ASAH2: variants seen among roughly 807,000 people sequenced by gnomAD.
ASAH2 encodes neutral ceramidase.
ASAH2 carries 58 observed loss-of-function variants against 82.9 expected under a neutral mutation model. The observed-to-expected ratio is 0.70, with a 90% CI of 0.57 to 0.87. ASAH2 has a LOEUF of 0.87. Among genes scored for constraint, ASAH2 ranks in the 40% least tolerant of loss-of-function variants. The probability of loss-of-function intolerance (pLI) is 0.00; values close to 1 mark genes in which losing one functional copy is unlikely to be tolerated. For missense variants in ASAH2, 779 were observed against 834.0 expected (o/e 0.93, Z 0.81); for synonymous variants, 276 against 289.7 (o/e 0.95, Z 0.48).
At chr10:50,206,240 G>T (rs1384679919) in intron 12 of ASAH2, 143 bp from the exon 13 acceptor site, 2 of 710,312 alleles carry the variant, frequency 2.8e-6, no homozygotes, top group African/African-American at 3.6e-5. Context: ...CAAACAGTTT[G>T]AGTAATAGAA....
Position 50,245,421 on chromosome 10 carries a change from C to G in ASAH2, c.161G>C (p.Ser54Thr). The change falls in exon 3 of 21, where the codon AGC becomes ACC. Residue 54 changes from serine (S) to threonine (T), a missense_variant. Physicochemically the swap from Ser to Thr is moderately conservative, Grantham distance 58. Transcript: ENST00000682911. ...LGGHFFSTTQ[S>T]PPATQGSTAA... Reference sequence around the variant, plus strand: ...TGTGGAGCCCTGGGTGGCTGGAGGGCTTTGGGTGGTTGAAAAAAAATGGCC... The same window carrying G: ...TGTGGAGCCCTGGGTGGCTGGAGGGGTTTGGGTGGTTGAAAAAAAATGGCC... 1.2e-6 allele frequency: 2 copies of G among 1,613,626 alleles called. No individual in the cohort carries two copies. Among genetic ancestry groups the G allele is most frequent in the South Asian group, 2.2e-5 (2 of 91,042 alleles).
At position 50,248,566 on chromosome 10, in the gene ASAH2, G is replaced by A; in HGVS notation, c.45C>T (p.Phe15=). ...TFSNLETFLI[F]LLVMMSAITV... ...TGATGGCACTCATCATTACAAGGAG[G>A]AAAATCAGGAATGTCTCCAAGTTAG... Residue 15 remains phenylalanine (F), a synonymous_variant, in exon 2 of 21, where the codon TTC becomes TTT. Transcript: ENST00000682911. The A allele has an allele frequency of 6.2e-7, 1 of 1,613,660 alleles. No homozygotes were observed.
intron 7 of ASAH2, among the ~76,000 whole-genome samples, chr10:50,232,235 A>G (rs1457891648): frequency 3.3e-5 from 5 of 152,178 alleles, no homozygotes; most frequent in African/African-American, 1.2e-4. Context: ...TAGATATTTT[A>G]TAATTCTACT....
chr10:50,227,401 A>G (rs2133219990), intron 7 of ASAH2, among the ~76,000 whole-genome samples: 1 of 152,314 alleles, frequency 6.6e-6, no homozygotes, highest in African/African-American at 2.4e-5. Context: ...CTTCTAGTGC[A>G]CAGTGAGTGA....
intron 17 of ASAH2, among the ~76,000 whole-genome samples, chr10:50,197,528 A>T (rs1845017990): frequency 6.6e-6 from 1 of 151,988 alleles, no homozygotes; most frequent in Non-Finnish European, 1.5e-5. Context: ...TACAAAAGTA[A>T]TTGGCATTTT....
chr10:50,222,323 G>A (rs1845771836), intron 7 of ASAH2, among the ~76,000 whole-genome samples: 1 of 152,214 alleles, frequency 6.6e-6, no homozygotes, highest in Non-Finnish European at 1.5e-5. Context: ...CTGTTGCCCA[G>A]GCTGGAGTGC....
intron 18 of ASAH2, among the ~76,000 whole-genome samples, chr10:50,195,848 C>T (rs1330490800): frequency 1.3e-5 from 2 of 151,632 alleles, no homozygotes; most frequent in African/African-American, 4.8e-5. Context: ...AAGAGTTAAA[C>T]TCATAGAAGT....
chr10:50,186,050 C>T lies in ASAH2; in HGVS notation c.*1265G>A, dbSNP rs1310339408. ...ATATCTTATTCTTTGGGGTATGAAG[C>T]AAGGTATTTTACAATGCCCAAAAAT... is the stretch of plus-strand genomic sequence containing the variant. On this transcript the variant is annotated 3_prime_UTR_variant, in exon 21 of 21. Coordinates refer to ENST00000682911, the MANE Select transcript of ASAH2 (RefSeq NM_019893.4). 21 of 149,020 alleles carry T rather than the reference C, an allele frequency of 1.4e-4. No individual in the cohort carries two copies. Among genetic ancestry groups the T allele is most frequent in the Admixed American group, 9.3e-4 (14 of 15,004 alleles). 9.2% of individuals were successfully genotyped at this position (149,020 alleles called of 1,614,324 possible).
intron 7 of ASAH2, among the ~76,000 whole-genome samples, chr10:50,230,044 T>C (rs1387918622): frequency 6.6e-6 from 1 of 152,154 alleles, no homozygotes; most frequent in Non-Finnish European, 1.5e-5. Context: ...GATAGCCACA[T>C]TTGAAAATAC....
intron 8 of ASAH2, among the ~76,000 whole-genome samples, chr10:50,216,147 G>C (rs1845593559): frequency 1.3e-5 from 2 of 150,600 alleles, no homozygotes; most frequent in Admixed American, 6.6e-5. Context: ...TCACACACTG[G>C]GGCCTGTCAG....
chr10:50,196,102 A>G (rs2813329), intron 18 of ASAH2, among the ~76,000 whole-genome samples: 4 of 151,948 alleles, frequency 2.6e-5, no homozygotes, highest in African/African-American at 9.6e-5. Context: ...AATTAGCTCA[A>G]TTGAGCCATT....
chr10:50,197,920 T>A (rs1845027689), intron 17 of ASAH2, among the ~76,000 whole-genome samples: 1 of 151,862 alleles, frequency 6.6e-6, no homozygotes, highest in African/African-American at 2.4e-5. Flanking sequence ...AGATTTGGAT[T>A]TTATAATAGA....
intron 10 of ASAH2, among the ~76,000 whole-genome samples, chr10:50,211,526 G>C (rs944107235): frequency 1.3e-5 from 2 of 152,124 alleles, no homozygotes; most frequent in African/African-American, 4.8e-5. Context: ...CTTCCTTTCA[G>C]AATACTTGAG....
chr10:50,207,594 A>T (rs1845335634), intron 12 of ASAH2, among the ~76,000 whole-genome samples: 1 of 150,994 alleles, frequency 6.6e-6, no homozygotes, highest in Non-Finnish European at 1.5e-5. Flanking sequence ...TTCTAGAAAG[A>T]CAAACTACCA....
intron 7 of ASAH2, among the ~76,000 whole-genome samples, chr10:50,225,500 T>C (rs1490195756): frequency 6.6e-6 from 1 of 152,212 alleles, no homozygotes; most frequent in Non-Finnish European, 1.5e-5. Flanking sequence ...AATAGACTAT[T>C]GTTTTTTTAT....
intron 12 of ASAH2, among the ~76,000 whole-genome samples, chr10:50,208,402 A>C (rs1375759267): frequency 2.0e-5 from 3 of 152,062 alleles, no homozygotes; most frequent in African/African-American, 7.2e-5. Flanking sequence ...TCTTGTATAG[A>C]GAAAAATCCT....
At chr10:50,193,965 G>A (rs1176560272) in intron 18 of ASAH2, among the ~76,000 whole-genome samples, 5 of 150,842 alleles carry the variant, frequency 3.3e-5, no homozygotes, top group African/African-American at 7.3e-5. Context: ...CAAAATTGAT[G>A]CAAGGAAAAA....
chr10:50,193,524 C>T (rs1288534746), intron 18 of ASAH2, among the ~76,000 whole-genome samples: 2 of 151,272 alleles, frequency 1.3e-5, no homozygotes, highest in East Asian at 3.9e-4. Context: ...AACAGAATTA[C>T]AGAGAACAGT....
chr10:50,226,609 G>A (rs1311302927), intron 7 of ASAH2, among the ~76,000 whole-genome samples: 1 of 152,102 alleles, frequency 6.6e-6, no homozygotes, highest in Non-Finnish European at 1.5e-5. Flanking sequence ...TGGGGATATT[G>A]ATAGTGAGGG....
Sources: gnomAD v4.1 joint callset for allele counts (sites outside exome capture counted in the v4.1 genomes callset) on GRCh38, gnomAD v4.1.1 for gene constraint, MANE v1.5 for transcripts, NCBI Gene and HGNC (gene_info 2026-07-23, HGNC 2026-07-21) for gene names.